Variants in HPSE2 observed in about 807,000 individuals in gnomAD.
HPSE2 encodes heparanase 2 (inactive).
Under a neutral mutation model 60.5 loss-of-function variants are expected in HPSE2, and 38 were observed. The observed-to-expected ratio is 0.63, with a 90% CI of 0.48 to 0.82. The LOEUF is 0.82. Among genes scored for constraint, HPSE2 ranks in the 40% least tolerant of loss-of-function variants. The pLI, the probability that HPSE2 is intolerant of heterozygous loss-of-function variation, is 0.00. For synonymous variants in HPSE2, 295 were observed against 293.2 expected (o/e 1.01, Z -0.06); for missense variants, 713 against 740.4 (o/e 0.96, Z 0.43).
intron 4 of HPSE2, among the ~76,000 whole-genome samples, chr10:98,741,380 A>C (rs12357278): frequency 0.42 from 63,586 of 151,946 alleles, 14,846 homozygotes; most frequent in South Asian, 0.56. Flanking sequence ...ATGTGTGGTT[A>C]AGGTGTCTAA....
intron 2 of HPSE2, among the ~76,000 whole-genome samples, chr10:99,184,685 T>C (rs1847908938): frequency 1.4e-5 from 2 of 146,728 alleles, no homozygotes; most frequent in Admixed American, 1.4e-4. Flanking sequence ...AATAAATATA[T>C]AGCAGAAATG....
chr10:99,125,444 G>A (rs2135721244), intron 3 of HPSE2, among the ~76,000 whole-genome samples: 1 of 152,302 alleles, frequency 6.6e-6, no homozygotes, highest in South Asian at 2.1e-4. Context: ...GATAGCTAAG[G>A]AAGACGGCAG....
At chr10:99,173,862 G>T (rs1350951636) in intron 2 of HPSE2, among the ~76,000 whole-genome samples, 1 of 145,654 alleles carries the variant, frequency 6.9e-6, no homozygotes. Flanking sequence ...AGAATAGCTT[G>T]AACTCGTGAG....
intron 3 of HPSE2, among the ~76,000 whole-genome samples, chr10:98,832,676 G>A (rs17110933): frequency 2.0e-5 from 3 of 152,112 alleles, no homozygotes; most frequent in African/African-American, 7.2e-5. Flanking sequence ...CAGATTAGGA[G>A]ACAGAGAAGG....
intron 9 of HPSE2, among the ~76,000 whole-genome samples, chr10:98,561,846 T>G (rs994906337): frequency 7.6e-5 from 5 of 65,914 alleles, no homozygotes; most frequent in Non-Finnish European, 1.8e-4. Context: ...AAACTCAGTC[T>G]CAAAAACAAA....
At chr10:98,725,676 A>G (rs1178718238) in intron 4 of HPSE2, among the ~76,000 whole-genome samples, 1 of 152,216 alleles carries the variant, frequency 6.6e-6, no homozygotes, top group African/African-American at 2.4e-5. Flanking sequence ...GCACAGCAAC[A>G]GAAACCACCA....
chr10:98,834,105 T>C (rs1191221183), intron 3 of HPSE2, among the ~76,000 whole-genome samples: 1 of 152,134 alleles, frequency 6.6e-6, no homozygotes, highest in African/African-American at 2.4e-5. Context: ...CAACTGATTG[T>C]AAAACACACC....
At chr10:98,941,900 G>C (rs561644935) in intron 3 of HPSE2, among the ~76,000 whole-genome samples, 2 of 141,826 alleles carry the variant, frequency 1.4e-5, no homozygotes, top group Admixed American at 1.4e-4. Context: ...CAATGGAACA[G>C]AACAGAGCCC....
In HPSE2 at chr10:98,935,014, T is replaced by A. The variant is rs1354204905; in HGVS notation, c.611-190958A>T. ...TGTTTATTCTCTAATCTTGTCTGCC[T>A]GCCTTATTTCAGCAAGATAGCCTTC... On this transcript the variant is annotated intron_variant, in intron 3 of 11. Coordinates refer to ENST00000370552, the MANE Select transcript of HPSE2 (RefSeq NM_021828.5). 1.4e-5 allele frequency among the ~76,000 whole-genome samples: 2 copies of A among 142,338 alleles called. 1 individual carries two copies. Among genetic ancestry groups the A allele is most frequent in the African/African-American group, 5.8e-5 (2 of 34,490 alleles). The allele number at this position is 142,338 out of a possible 152,430, so 93.4% of individuals were successfully genotyped here. A position where few individuals can be genotyped will look rare whatever the true frequency, so the allele number is the denominator to read the frequency against.
At chr10:98,814,160 T>C (rs1951231755) in intron 3 of HPSE2, among the ~76,000 whole-genome samples, 1 of 152,142 alleles carries the variant, frequency 6.6e-6, no homozygotes, top group Admixed American at 6.5e-5. Flanking sequence ...ATGTAAATTT[T>C]CACAGATCAA....
At chr10:99,132,558 G>T (rs1002238818) in intron 3 of HPSE2, among the ~76,000 whole-genome samples, 1 of 152,100 alleles carries the variant, frequency 6.6e-6, no homozygotes, top group African/African-American at 2.4e-5. Flanking sequence ...CATCGCATTG[G>T]GTCTGGTTGG....
intron 9 of HPSE2, among the ~76,000 whole-genome samples, chr10:98,542,593 G>C (rs1364911879): frequency 6.6e-6 from 1 of 152,124 alleles, no homozygotes; most frequent in East Asian, 1.9e-4. Flanking sequence ...AAATTTAGAA[G>C]AATATGTAAC....
intron 3 of HPSE2, among the ~76,000 whole-genome samples, chr10:98,854,465 T>G (rs1399168475): frequency 6.6e-6 from 1 of 152,206 alleles, no homozygotes; most frequent in Non-Finnish European, 1.5e-5. Flanking sequence ...CTTTTCAACT[T>G]CTCATTTAGG....
At chr10:98,510,794 A>C (rs1942363630) in intron 9 of HPSE2, among the ~76,000 whole-genome samples, 1 of 152,252 alleles carries the variant, frequency 6.6e-6, no homozygotes, top group South Asian at 2.1e-4. Flanking sequence ...TCCTTCTGTC[A>C]TGGAGGGCCG....
intron 9 of HPSE2, among the ~76,000 whole-genome samples, chr10:98,525,244 C>T (rs559933693): frequency 1.3e-5 from 2 of 152,294 alleles, no homozygotes; most frequent in East Asian, 3.9e-4. Flanking sequence ...CTCCTGACCT[C>T]AGGAAATCTG....
chr10:98,909,794 TA>T (rs1411988714), intron 3 of HPSE2, among the ~76,000 whole-genome samples: 2 of 151,974 alleles, frequency 1.3e-5, no homozygotes, highest in East Asian at 1.9e-4. Context: ...TATAAAACTT[TA>T]AAAAAATAAA....
intron 3 of HPSE2, among the ~76,000 whole-genome samples, chr10:98,809,048 C>T (rs1242141130): frequency 1.3e-5 from 2 of 152,120 alleles, no homozygotes; most frequent in South Asian, 4.1e-4. Context: ...AGATATCTAC[C>T]TTCCCAGGTG....
intron 2 of HPSE2, among the ~76,000 whole-genome samples, chr10:99,218,795 T>G (rs1362874795): frequency 6.6e-6 from 1 of 152,238 alleles, no homozygotes; most frequent in African/African-American, 2.4e-5. Context: ...CCTATGGATT[T>G]TAACTTGGCT....
chr10:98,818,951 T>A (rs974977352), intron 3 of HPSE2, among the ~76,000 whole-genome samples: 1 of 152,228 alleles, frequency 6.6e-6, no homozygotes, highest in African/African-American at 2.4e-5. Flanking sequence ...GTGGATAAAG[T>A]GAGGGCAAAG....
Sources: gnomAD v4.1 joint callset for allele counts (sites outside exome capture counted in the v4.1 genomes callset) on GRCh38, gnomAD v4.1.1 for gene constraint, MANE v1.5 for transcripts, NCBI Gene and HGNC (gene_info 2026-07-23, HGNC 2026-07-21) for gene names.